The following PRKG1 variants were observed in gnomAD, a reference collection of about 807,000 sequenced individuals.
PRKG1 encodes protein kinase cGMP-dependent 1, also known as cGMP-dependent protein kinase 1.
A neutral mutation model predicts 88.1 loss-of-function variants in PRKG1; 35 were observed. The ratio of observed to expected loss-of-function variants is 0.40; its 90% CI spans 0.30 to 0.53. PRKG1 has a LOEUF of 0.53. Ranked by LOEUF, PRKG1 falls within the 20% of genes least tolerant of loss-of-function variation. The probability of loss-of-function intolerance (pLI) is 0.59; values close to 1 mark genes in which losing one functional copy is unlikely to be tolerated. For missense variants in PRKG1, 540 were observed against 839.8 expected (o/e 0.64, Z 4.41); for synonymous variants, 303 against 292.5 (o/e 1.04, Z -0.37).
intron 3 of PRKG1, among the ~76,000 whole-genome samples, chr10:51,551,784 T>C (rs935712338): frequency 6.6e-6 from 1 of 151,824 alleles, no homozygotes; most frequent in Non-Finnish European, 1.5e-5. Flanking sequence ...TATTTAATTA[T>C]GAAAGATCCA....
chr10:51,570,555 G>T (rs1837726387), intron 3 of PRKG1, among the ~76,000 whole-genome samples: 1 of 151,838 alleles, frequency 6.6e-6, no homozygotes, highest in Non-Finnish European at 1.5e-5. Context: ...AAACTGTACA[G>T]TTCAAACCTA....
chr10:51,027,833 A>G lies in PRKG1; in HGVS notation c.266+36189A>G, dbSNP rs116363765. Among the ~76,000 whole-genome samples, 913 of 152,306 alleles carry G rather than the reference A, an allele frequency of 6.0e-3. 13 individuals are homozygous for G. Among genetic ancestry groups the G allele is most frequent in the African/African-American group, 0.02 (838 of 41,580 alleles). Reference sequence around the variant, plus strand: ...TGCTGTTTAAGATTCTTAGTTTCTTATATGCAACCCAGGAACCCTTAATTG... The same window carrying G: ...TGCTGTTTAAGATTCTTAGTTTCTTGTATGCAACCCAGGAACCCTTAATTG... On this transcript the variant is annotated intron_variant, in intron 1 of 17. Coordinates refer to the PRKG1 transcript ENST00000401604.
At chr10:52,264,038 T>C (rs1218664585) in intron 10 of PRKG1, among the ~76,000 whole-genome samples, 1 of 152,156 alleles carries the variant, frequency 6.6e-6, no homozygotes, top group Non-Finnish European at 1.5e-5. Flanking sequence ...TTTTTCCTGT[T>C]GAATTTTAGG....
At chr10:51,048,491 A>G (rs1589122814) in intron 1 of PRKG1, among the ~76,000 whole-genome samples, 1 of 152,150 alleles carries the variant, frequency 6.6e-6, no homozygotes, top group Non-Finnish European at 1.5e-5. Context: ...TTAATTCTTT[A>G]TCAGTGTCTC....
chr10:51,826,694 GGAACCA>G (rs1839889704), intron 4 of PRKG1, among the ~76,000 whole-genome samples: 2 of 152,092 alleles, frequency 1.3e-5, no homozygotes, highest in Non-Finnish European at 2.9e-5. Context: ...ACAGAGAGCT[GGAACCA>G]TGAGAGCCAG....
At position 50,991,610 on chromosome 10, in the gene PRKG1, C is replaced by G; in HGVS notation, c.232C>G (p.Arg78Gly). 6.4e-7 allele frequency: 1 copy of G among 1,561,790 alleles called. No homozygotes were observed. The highest frequency in any genetic ancestry group is 8.7e-7 in the Non-Finnish European group (1 of 1,155,810). ...GACGTACAGGTCCTTCCACGACCTC[C>G]GACAGGCATTCCGGAAGTTCACCAA... The change falls in exon 1 of 18, where the codon CGA becomes GGA. Residue 78 changes from arginine (R) to glycine (G), a missense_variant. Coordinates refer to the PRKG1 transcript ENST00000401604. This position sits in a 1 kb window ranked among gnomAD's most constrained non-coding sequence, Gnocchi z 4.5.
At chr10:51,537,315 T>C (rs928533947) in intron 3 of PRKG1, among the ~76,000 whole-genome samples, 1 of 152,190 alleles carries the variant, frequency 6.6e-6, no homozygotes, top group African/African-American at 2.4e-5. Flanking sequence ...AGAAAGTGAA[T>C]GCCCAGAAAT....
chr10:51,617,167 A>G (rs1319805392), intron 3 of PRKG1, among the ~76,000 whole-genome samples: 1 of 152,164 alleles, frequency 6.6e-6, no homozygotes, highest in African/African-American at 2.4e-5. Context: ...CAATGGGAAT[A>G]TAGACCACTG....
Position 52,272,402 on chromosome 10 carries a change from A to G in PRKG1, c.1324A>G (p.Thr442Ala), listed in dbSNP as rs1398352558. The G allele has an allele frequency of 2.5e-6, 4 of 1,606,344 alleles. No homozygotes were observed. Among genetic ancestry groups the G allele is most frequent in the Non-Finnish European group, 3.4e-6 (4 of 1,174,006 alleles). The change falls in exon 12 of 18, where the codon ACA becomes GCA. Residue 442 changes from threonine to alanine, a missense_variant. Physicochemically the swap from Thr to Ala is moderately conservative, Grantham distance 58. This residue lies in a region of PRKG1 where 400 missense variants were observed against 562.7 expected (regional missense o/e 0.71). Coordinates refer to ENST00000373980, the MANE Select transcript of PRKG1 (RefSeq NM_006258.4). ...GTTTGCAATTTACAGACTGTACAGA[A>G]CATTTAAGGACAGCAAATATTTGTA... ...HSDFIVRLYR[T>A]FKDSKYLYML... is the part of the protein sequence containing the mutation.
At chr10:52,145,487 T>C (rs1024585721) in intron 8 of PRKG1, among the ~76,000 whole-genome samples, 1 of 152,208 alleles carries the variant, frequency 6.6e-6, no homozygotes, top group Non-Finnish European at 1.5e-5. Context: ...TCTCTTTACC[T>C]TTTTTATGTA....
intron 2 of PRKG1, among the ~76,000 whole-genome samples, chr10:51,382,910 T>A (rs969300229): frequency 9.9e-5 from 15 of 152,030 alleles, no homozygotes; most frequent in African/African-American, 3.6e-4. Flanking sequence ...AAACATAGAG[T>A]ATAAATCCTT....
At chr10:51,443,906 C>G (rs1483797057) in intron 2 of PRKG1, among the ~76,000 whole-genome samples, 1 of 151,890 alleles carries the variant, frequency 6.6e-6, no homozygotes, top group South Asian at 2.1e-4. Context: ...TAAAGCAACC[C>G]ATCTTCTGTA....
chr10:51,102,665 G>C (rs761305948), intron 1 of PRKG1, among the ~76,000 whole-genome samples: 1 of 152,132 alleles, frequency 6.6e-6, no homozygotes, highest in Non-Finnish European at 1.5e-5. Flanking sequence ...TTGACATTGA[G>C]AGTCCACAAG....
At chr10:51,917,553 G>A (rs10823893) in intron 5 of PRKG1, among the ~76,000 whole-genome samples, 54,413 of 151,948 alleles carry the variant, frequency 0.36, 10,268 homozygotes, top group Non-Finnish European at 0.41. Flanking sequence ...TAAGAAGAAT[G>A]TGTACTTGGG....
chr10:51,208,643 T>C (rs1838129798), intron 2 of PRKG1, among the ~76,000 whole-genome samples: 1 of 152,128 alleles, frequency 6.6e-6, no homozygotes, highest in South Asian at 2.1e-4. Context: ...TTTGAGAAGG[T>C]ACCAAAAAGA....
At chr10:51,296,906 C>G (rs1307702371) in intron 2 of PRKG1, among the ~76,000 whole-genome samples, 2 of 152,044 alleles carry the variant, frequency 1.3e-5, no homozygotes, top group Non-Finnish European at 2.9e-5. Flanking sequence ...TTACCTTTGT[C>G]TATTCTTTCC....
intron 2 of PRKG1, among the ~76,000 whole-genome samples, chr10:51,320,863 T>C (rs1347082969): frequency 6.6e-6 from 1 of 152,218 alleles, no homozygotes; most frequent in African/African-American, 2.4e-5. Flanking sequence ...GCATAAGTGA[T>C]TTAACAAGGA....
intron 5 of PRKG1, among the ~76,000 whole-genome samples, chr10:51,937,271 C>G (rs552701552): frequency 6.6e-5 from 10 of 151,948 alleles, no homozygotes; most frequent in Non-Finnish European, 1.3e-4. Context: ...TGGCCATATT[C>G]TATGCCGCTA....
chr10:51,226,984 G>A (rs1225314966), intron 2 of PRKG1, among the ~76,000 whole-genome samples: 2 of 151,992 alleles, frequency 1.3e-5, no homozygotes, highest in East Asian at 3.8e-4. Flanking sequence ...TTTCCACTAG[G>A]CATTCAGCAT....
Sources: allele counts gnomAD v4.1 joint callset (sites outside exome capture counted in the v4.1 genomes callset), GRCh38; gene constraint gnomAD v4.1.1; regional missense constraint gnomAD v4.1.1; non-coding constraint Gnocchi (gnomAD v3.1); transcripts MANE v1.5; gene names NCBI Gene and HGNC (gene_info 2026-07-23, HGNC 2026-07-21).